Variants in PLCL1 observed in about 807,000 individuals in gnomAD.
The protein encoded by PLCL1 is phospholipase C like 1 (inactive).
Under a neutral mutation model 84.4 loss-of-function variants are expected in PLCL1, and 41 were observed. The observed-to-expected ratio is 0.49, with a 90% confidence interval of 0.38 to 0.63. The LOEUF is 0.63. Ranked by LOEUF, PLCL1 falls within the 30% of genes least tolerant of loss-of-function variation. The pLI is 0.00. For missense variants in PLCL1, 1,206 were observed against 1,367.8 expected (o/e 0.88, Z 1.87); for synonymous variants, 490 against 488.3 (o/e 1.00, Z -0.05).
At chr2:198,075,785 T>C (rs942119314) in intron 1 of PLCL1, among the ~76,000 whole-genome samples, 34 of 152,356 alleles carry the variant, frequency 2.2e-4, no homozygotes, top group African/African-American at 7.9e-4. Context: ...TCTTTGTTCT[T>C]ATTTACTGAT....
chr2:198,025,781 T>C (rs1691249575), intron 1 of PLCL1, among the ~76,000 whole-genome samples: 2 of 152,272 alleles, frequency 1.3e-5, no homozygotes, highest in South Asian at 4.2e-4. Flanking sequence ...TATGTAAACA[T>C]GGAGAACCCA....
At chr2:198,066,658 A>G (rs1692327527) in intron 1 of PLCL1, among the ~76,000 whole-genome samples, 1 of 152,172 alleles carries the variant, frequency 6.6e-6, no homozygotes, top group South Asian at 2.1e-4. Context: ...TAAATTCCAG[A>G]TTTATAAAAA....
At chr2:198,083,505 G>T (rs759795268) in intron 1 of PLCL1, among the ~76,000 whole-genome samples, 12 of 152,162 alleles carry the variant, frequency 7.9e-5, no homozygotes, top group Non-Finnish European at 1.2e-4. Flanking sequence ...AAATCAGAGT[G>T]ATTTGTACTT....
chr2:198,035,500 G>GT (rs905301977), intron 1 of PLCL1, among the ~76,000 whole-genome samples: 9 of 152,006 alleles, frequency 5.9e-5, no homozygotes, highest in African/African-American at 2.2e-4. Context: ...TTTGTTTTTG[G>GT]TTTTTTTCCA....
intron 1 of PLCL1, among the ~76,000 whole-genome samples, chr2:197,959,979 A>G (rs886319759): frequency 6.6e-6 from 1 of 152,036 alleles, no homozygotes; most frequent in Non-Finnish European, 1.5e-5. Flanking sequence ...CCACCTCTCA[A>G]TTATAAATGA....
At chr2:198,011,116 C>G (rs1382343259) in intron 1 of PLCL1, among the ~76,000 whole-genome samples, 2 of 151,828 alleles carry the variant, frequency 1.3e-5, no homozygotes, top group Non-Finnish European at 2.9e-5. Flanking sequence ...TGATTTATCT[C>G]TACTCTAATT....
At chr2:198,145,870 C>A (rs1225716966) in intron 5 of PLCL1, among the ~76,000 whole-genome samples, 1 of 152,110 alleles carries the variant, frequency 6.6e-6, no homozygotes, top group Non-Finnish European at 1.5e-5. Context: ...ACCCCATATC[C>A]ACCCATATTG....
chr2:197,891,271 A>T (rs1303094305), intron 1 of PLCL1, among the ~76,000 whole-genome samples: 1 of 152,102 alleles, frequency 6.6e-6, no homozygotes, highest in African/African-American at 2.4e-5. Context: ...GGATGGAGTG[A>T]CCCCTTCTGT....
chr2:198,121,888 G>A (rs1321649523), intron 5 of PLCL1, among the ~76,000 whole-genome samples: 2 of 151,682 alleles, frequency 1.3e-5, no homozygotes, highest in Admixed American at 1.3e-4. Context: ...CCTCCTTCTG[G>A]TGGCCATCTT....
chr2:198,081,585 C>T (rs953199793), intron 1 of PLCL1, among the ~76,000 whole-genome samples: 2 of 152,152 alleles, frequency 1.3e-5, no homozygotes, highest in Non-Finnish European at 2.9e-5. Context: ...AACAGCAACT[C>T]TTTGTAAATG....
intron 1 of PLCL1, among the ~76,000 whole-genome samples, chr2:197,908,639 T>C (rs554547428): frequency 6.6e-6 from 1 of 152,340 alleles, no homozygotes; most frequent in East Asian, 1.9e-4. Flanking sequence ...TCAAGTCAGC[T>C]AAACATAAAT....
intron 1 of PLCL1, among the ~76,000 whole-genome samples, chr2:197,842,455 T>G (rs181650522): frequency 6.6e-6 from 1 of 152,196 alleles, no homozygotes; most frequent in East Asian, 1.9e-4. Context: ...ACGATCTTAT[T>G]CCTCAAAATT....
At chr2:198,071,695 T>C in intron 1 of PLCL1, among the ~76,000 whole-genome samples, 1 of 151,984 alleles carries the variant, frequency 6.6e-6, no homozygotes, top group East Asian at 1.9e-4. Flanking sequence ...ATTTCCAGTT[T>C]CAATTTTTTA....
rs1305725285 is a variant in PLCL1, at chr2:197,804,900, C to G, written c.-200C>G. ...ACTGCTAGCCTCCTAGACCGAAGCC[C>G]GAGGACGTCTCTGCCCGAGCGATGT... is the stretch of plus-strand genomic sequence containing the variant. On this transcript the variant is annotated 5_prime_UTR_variant, in exon 1 of 6. Coordinates refer to ENST00000428675, the MANE Select transcript of PLCL1 (RefSeq NM_006226.4). 1 of 530,834 alleles carries G rather than the reference C, an allele frequency of 1.9e-6. No individual in the cohort carries two copies. Among genetic ancestry groups the G allele is most frequent in the African/African-American group, 2.0e-5 (1 of 49,112 alleles). The allele number at this position is 530,834 out of a possible 1,614,324, so 32.9% of individuals were successfully genotyped here. A position where few individuals can be genotyped will look rare whatever the true frequency, so the allele number is the denominator to read the frequency against.
Position 198,096,463 on chromosome 2 carries a change from T to A in PLCL1, c.2920-4822T>A, listed in dbSNP as rs137907835. The stretch of plus-strand genomic sequence containing the variant: ...TTCATGCAGTCAAGAAGTATTTTCC[T>A]AATATATTTGATCATTTCCATTATT... On this transcript the variant is annotated intron_variant, in intron 3 of 5. Coordinates refer to ENST00000428675, the MANE Select transcript of PLCL1 (RefSeq NM_006226.4). 3.3e-4 allele frequency among the ~76,000 whole-genome samples: 50 copies of A among 152,338 alleles called. No individual in the cohort carries two copies. The East Asian group carries it at 8.9e-3, about 27-fold the overall frequency.
At chr2:197,954,263 T>G (rs894542980) in intron 1 of PLCL1, among the ~76,000 whole-genome samples, 1 of 152,114 alleles carries the variant, frequency 6.6e-6, no homozygotes, top group Non-Finnish European at 1.5e-5. Context: ...CAAGTTTCAT[T>G]TCAACTTAAA....
chr2:197,890,257 T>G (rs1256480017), intron 1 of PLCL1, among the ~76,000 whole-genome samples: 2 of 152,282 alleles, frequency 1.3e-5, no homozygotes, highest in Non-Finnish European at 2.9e-5. Context: ...ATTAGAAAAG[T>G]GTTATGAGAT....
In PLCL1 at chr2:198,031,207, C is replaced by CAAAA. The variant is rs58115602; in HGVS notation, c.241-52537_241-52534dup. Among the ~76,000 whole-genome samples the CAAAA allele has an allele frequency of 4.7e-3, 374 of 79,670 alleles. 3 individuals carry two copies. Among genetic ancestry groups the CAAAA allele is most frequent in the Middle Eastern group, 8.1e-3 (1 of 124 alleles). The allele number at this position is 79,670 out of a possible 152,430, so 52.3% of individuals were successfully genotyped here. A position where few individuals can be genotyped will look rare whatever the true frequency, so the allele number is the denominator to read the frequency against. Reference sequence around the variant, plus strand: ...GCAACATAGTGAGACCTTGTCTCTACAAAAAAAAAAAAAAAAATAGCCAAT... The same window carrying CAAAA: ...GCAACATAGTGAGACCTTGTCTCTACAAAAAAAAAAAAAAAAAAAAATAGCCAAT... On this transcript the variant is annotated intron_variant, in intron 1 of 5. Transcript: ENST00000428675.
chr2:197,903,641 G>C (rs1312620410), intron 1 of PLCL1, among the ~76,000 whole-genome samples: 1 of 127,946 alleles, frequency 7.8e-6, no homozygotes, highest in Non-Finnish European at 1.6e-5. Context: ...CCGCCACCAC[G>C]CCCAGCTATT....
Sources: gnomAD v4.1 joint callset for allele counts (sites outside exome capture counted in the v4.1 genomes callset) on GRCh38, gnomAD v4.1.1 for gene constraint, MANE v1.5 for transcripts, NCBI Gene and HGNC (gene_info 2026-07-23, HGNC 2026-07-21) for gene names.